FAM220A: variants seen among roughly 807,000 people sequenced by gnomAD.
FAM220A encodes the protein protein FAM220A.
For missense variants in FAM220A, 392 were observed against 321.6 expected, an observed-to-expected ratio of 1.22 and a Z score of -1.68; for synonymous variants, 141 against 130.7, an observed-to-expected ratio of 1.08 and a Z score of -0.54.
intron 1 of FAM220A, among the ~76,000 whole-genome samples, chr7:6,343,444 A>G (rs1781902281): frequency 8.7e-6 from 1 of 114,678 alleles, no homozygotes; most frequent in Non-Finnish European, 1.8e-5. Flanking sequence ...ATATATATAT[A>G]TGATCTAGGA....
chr7:6,330,622 C>A lies in FAM220A; in HGVS notation c.533G>T (p.Gly178Val). 6.2e-7 allele frequency: 1 copy of A among 1,614,126 alleles called. No individual in the cohort carries two copies. The highest frequency in any genetic ancestry group is 8.5e-7 in the Non-Finnish European group (1 of 1,180,036). Residue 178 changes from glycine to valine, a missense_variant, in exon 2 of 2, where the codon GGT (glycine) becomes GTT (valine). Physicochemically the swap from Gly to Val is moderately radical, Grantham distance 109. Coordinates refer to ENST00000313324, the MANE Select transcript of FAM220A (RefSeq NM_001037163.2). Reference sequence around the variant, plus strand: ...AGCGGGTTCCAACTCAGAGCCCAGACCCTTGGGAAAAGCACTTGGTGGGTC... The same window carrying A: ...AGCGGGTTCCAACTCAGAGCCCAGAACCTTGGGAAAAGCACTTGGTGGGTC... ...QDDPPSAFPK[G>V]LGSELEPACL...
At chr7:6,331,318 C>G in intron 1 of FAM220A, 83 bp from the exon 2 acceptor site, 3 of 680,452 alleles carry the variant, frequency 4.4e-6, no homozygotes, top group Non-Finnish European at 7.5e-6. Flanking sequence ...TATTTCCTAA[C>G]AAACACTGAG....
chr7:6,345,067 T>C (rs1468883231), intron 1 of FAM220A, among the ~76,000 whole-genome samples: 1 of 151,936 alleles, frequency 6.6e-6, no homozygotes, highest in African/African-American at 2.4e-5. Flanking sequence ...AGAGTTTAGC[T>C]TTCTTTTAGA....
At chr7:6,344,099 TCTCAAGCTCCTGGC>T (rs969706848) in intron 1 of FAM220A, among the ~76,000 whole-genome samples, 10 of 150,596 alleles carry the variant, frequency 6.6e-5, no homozygotes, top group Non-Finnish European at 1.5e-4. Flanking sequence ...TGCCCAGGCT[TCTCAAGCTCCTGGC>T]CTCAAGCGAG....
At position 6,330,598 on chromosome 7, in the gene FAM220A, G is replaced by C. The variant is rs745374493; in HGVS notation, c.557C>G (p.Ala186Gly). 6.2e-7 allele frequency: 1 copy of C among 1,614,184 alleles called. No homozygotes were observed. Residue 186 changes from alanine to glycine, a missense_variant, in exon 2 of 2, where the codon GCT becomes GGT. Physicochemically the swap from Ala to Gly is moderately conservative, Grantham distance 60. Coordinates refer to ENST00000313324, the MANE Select transcript of FAM220A (RefSeq NM_001037163.2). ...PKGLGSELEP[A>G]CLHSILSATL... ...TGCAGACAGGATGGAGTGCAGGCAAGCGGGTTCCAACTCAGAGCCCAGACC... is the reference window on the plus strand; with the variant it reads ...TGCAGACAGGATGGAGTGCAGGCAACCGGGTTCCAACTCAGAGCCCAGACC...
chr7:6,337,092 A>G (rs868423952), intron 1 of FAM220A, among the ~76,000 whole-genome samples: 29 of 149,094 alleles, frequency 1.9e-4, no homozygotes, highest in Middle Eastern at 3.4e-3. Context: ...TTTTTGAGAC[A>G]AGAGTCTCTC....
intron 1 of FAM220A, among the ~76,000 whole-genome samples, chr7:6,336,547 T>G (rs928606282): frequency 3.3e-5 from 5 of 151,682 alleles, no homozygotes; most frequent in Non-Finnish European, 7.4e-5. Flanking sequence ...TGGGTATGGT[T>G]GCACATGCCT....
chr7:6,340,866 T>G (rs1176842806), intron 1 of FAM220A, among the ~76,000 whole-genome samples: 1 of 121,664 alleles, frequency 8.2e-6, no homozygotes, highest in Middle Eastern at 5.9e-3. Flanking sequence ...GCCACTGCAC[T>G]CCAGCCTGGG....
chr7:6,333,287 C>T (rs1781675979), intron 1 of FAM220A, among the ~76,000 whole-genome samples: 1 of 151,946 alleles, frequency 6.6e-6, no homozygotes, highest in Non-Finnish European at 1.5e-5. Flanking sequence ...GGCCATGTCA[C>T]AGGGAGCCGG....
intron 1 of FAM220A, among the ~76,000 whole-genome samples, chr7:6,344,577 C>A (rs890882659): frequency 1.3e-5 from 2 of 152,074 alleles, no homozygotes; most frequent in African/African-American, 4.8e-5. Flanking sequence ...CACCACCACG[C>A]CCAGCTAATT....
intron 1 of FAM220A, among the ~76,000 whole-genome samples, chr7:6,333,168 C>CAAAAAAAAAAAAAAAAAA (rs111863837): frequency 7.8e-6 from 1 of 127,996 alleles, no homozygotes. Context: ...ATAAAAAAAT[C>CAAAAAAAAAAAAAAAAAA]AAAAAAAAAA....
chr7:6,347,865 G>A (rs1326939910), intron 1 of FAM220A, among the ~76,000 whole-genome samples: 1 of 146,950 alleles, frequency 6.8e-6, no homozygotes, highest in Admixed American at 6.9e-5. Flanking sequence ...ACCAGCCTGG[G>A]CAACATAACG....
Position 6,330,847 on chromosome 7 carries a change from G to T in FAM220A, c.308C>A (p.Ala103Asp), listed in dbSNP as rs2115124918. Residue 103 changes from alanine (A) to aspartate (D), a missense_variant, in exon 2 of 2, where the codon GCC (alanine) becomes GAC (aspartate). Ala to Asp is a moderately radical substitution (Grantham distance 126). Transcript: ENST00000313324. ...TGTTGGAGCAGGGAACAAACCCACG[G>T]CTGTGCTCGGAGTGGCTGCTGAGGC... Reference protein sequence around the residue: ...NPASAATPSTAVGLFPAPTEC... With the variant: ...NPASAATPSTDVGLFPAPTEC... 4 of 1,614,198 alleles carry T rather than the reference G, an allele frequency of 2.5e-6. No homozygotes were observed. Among genetic ancestry groups the T allele is most frequent in the African/African-American group, 1.3e-5 (1 of 75,052 alleles).
At chr7:6,331,763 G>A (rs1161132435) in intron 1 of FAM220A, among the ~76,000 whole-genome samples, 1 of 136,202 alleles carries the variant, frequency 7.3e-6, no homozygotes, top group African/African-American at 2.6e-5. Flanking sequence ...TTTTTGAGAT[G>A]GCGTTTCGCT....
chr7:6,344,514 C>A (rs935907921), intron 1 of FAM220A, among the ~76,000 whole-genome samples: 1 of 152,062 alleles, frequency 6.6e-6, no homozygotes. Flanking sequence ...CCTCGACCTT[C>A]TGGCCTCAAG....
In FAM220A at chr7:6,330,758, C is replaced by G; in HGVS notation, c.397G>C (p.Gly133Arg). Residue 133 changes from glycine to arginine, a missense_variant, in exon 2 of 2, where the codon GGA becomes CGA. Transcript: ENST00000313324. Reference sequence around the variant, plus strand: ...TGGCCGTCAGTGGCCCTGGGCCCTCCTCCCAGCCAGTCTCGCCGCCCCAGA... The same window carrying G: ...TGGCCGTCAGTGGCCCTGGGCCCTCGTCCCAGCCAGTCTCGCCGCCCCAGA... ...EALGRRDWLG[G>R]GPRATDGHRG... 6.2e-7 allele frequency: 1 copy of G among 1,614,168 alleles called. No individual in the cohort carries two copies. The highest frequency in any genetic ancestry group is 8.5e-7 in the Non-Finnish European group (1 of 1,180,032).
intron 1 of FAM220A, among the ~76,000 whole-genome samples, chr7:6,338,977 T>C (rs1402186956): frequency 1.3e-5 from 2 of 152,120 alleles, no homozygotes; most frequent in Non-Finnish European, 2.9e-5. Flanking sequence ...GTGTGAACGC[T>C]AGCACACCTT....
At chr7:6,335,900 C>T (rs1236075091) in intron 1 of FAM220A, among the ~76,000 whole-genome samples, 1 of 151,804 alleles carries the variant, frequency 6.6e-6, no homozygotes, top group Non-Finnish European at 1.5e-5. Flanking sequence ...TGGCCGGGAG[C>T]AGTGGCTCAC....
In FAM220A at chr7:6,348,715, G is replaced by A. The variant is rs969329239; in HGVS notation, c.-224C>T. On this transcript the variant is annotated 5_prime_UTR_variant, in exon 1 of 2. Transcript: ENST00000313324. ...GACCCCATAGGAGCGGGCGGCGGCCGAGCGCGAGAGCCGGACAGCCAGGCC... is the reference window on the plus strand; with the variant it reads ...GACCCCATAGGAGCGGGCGGCGGCCAAGCGCGAGAGCCGGACAGCCAGGCC... The A allele has an allele frequency of 1.9e-5, 8 of 420,524 alleles. No individual in the cohort carries two copies. The highest frequency in any genetic ancestry group is 1.8e-4 in the East Asian group (5 of 28,498). 26.0% of individuals were successfully genotyped at this position (420,524 alleles called of 1,614,324 possible).
Sources: gnomAD v4.1 joint callset for allele counts (sites outside exome capture counted in the v4.1 genomes callset) on GRCh38, gnomAD v4.1.1 for gene constraint, MANE v1.5 for transcripts, NCBI Gene and HGNC (gene_info 2026-07-23, HGNC 2026-07-21) for gene names.